Variants in SFXN5 observed in about 807,000 individuals in gnomAD.
SFXN5 encodes the protein sideroflexin-5.
SFXN5 carries 43 observed loss-of-function variants against 50.2 expected under a neutral mutation model. The ratio of observed to expected loss-of-function variants is 0.86; its 90% CI spans 0.67 to 1.11. The LOEUF is 1.11. Among genes scored for constraint, SFXN5 ranks in the 50% least tolerant of loss-of-function variants. The probability of loss-of-function intolerance (pLI) is 0.00; values close to 1 mark genes in which losing one functional copy is unlikely to be tolerated. For synonymous variants in SFXN5, 203 were observed against 185.8 expected, an observed-to-expected ratio of 1.09 and a Z score of -0.75; for missense variants, 463 against 454.1, an observed-to-expected ratio of 1.02 and a Z score of -0.18.
At chr2:72,976,805 T>A (rs1161895663) in intron 10 of SFXN5, among the ~76,000 whole-genome samples, 1 of 152,184 alleles carries the variant, frequency 6.6e-6, no homozygotes, top group African/African-American at 2.4e-5. Flanking sequence ...AACTCAGGCA[T>A]CTTAGAAACA....
intron 9 of SFXN5, chr2:72,998,588 G>A (rs1245643842): frequency 1.2e-5 from 3 of 243,808 alleles, no homozygotes; most frequent in African/African-American, 4.5e-5. Flanking sequence ...GCCTTGCAGA[G>A]TCATTCAGAG....
At chr2:73,018,779 A>T (rs1273564558) in intron 6 of SFXN5, among the ~76,000 whole-genome samples, 5 of 152,206 alleles carry the variant, frequency 3.3e-5, no homozygotes, top group Non-Finnish European at 7.3e-5. Flanking sequence ...AAATACCTAA[A>T]ATAGTGTTAT....
At chr2:73,000,956 G>A (rs906809614) in intron 7 of SFXN5, among the ~76,000 whole-genome samples, 6 of 152,222 alleles carry the variant, frequency 3.9e-5, no homozygotes, top group Non-Finnish European at 7.3e-5. Flanking sequence ...GTTTAGTTCA[G>A]GGAAGACTGA....
chr2:73,051,382 C>T (rs752970741), intron 2 of SFXN5, among the ~76,000 whole-genome samples: 2 of 151,864 alleles, frequency 1.3e-5, no homozygotes, highest in Non-Finnish European at 2.9e-5. Context: ...CTCAGCCTCC[C>T]GAGTAGCTGG....
At chr2:73,056,799 G>A (rs982973958) in intron 2 of SFXN5, among the ~76,000 whole-genome samples, 1 of 152,178 alleles carries the variant, frequency 6.6e-6, no homozygotes, top group African/African-American at 2.4e-5. Context: ...TGAGGAAGTG[G>A]AGCAACTGGA....
In SFXN5 at chr2:72,961,049, T is replaced by A; in HGVS notation, c.945+82A>T. ...CAGCGCCTAGCATGGCGCTAAGGAGTCGGCACGGTATGAGTATTTGTTCAG... is the reference window on the plus strand; with the variant it reads ...CAGCGCCTAGCATGGCGCTAAGGAGACGGCACGGTATGAGTATTTGTTCAG... On this transcript the variant is annotated intron_variant, in intron 13 of 13. Coordinates refer to ENST00000272433, the MANE Select transcript of SFXN5 (RefSeq NM_144579.3). The surrounding 1 kb of genome is among the most constrained non-coding windows in gnomAD (Gnocchi z 4.4). The A allele has an allele frequency of 9.8e-7, 1 of 1,022,580 alleles. No individual in the cohort carries two copies. Among genetic ancestry groups the A allele is most frequent in the South Asian group, 1.9e-5 (1 of 52,710 alleles). The allele number at this position is 1,022,580 out of a possible 1,614,324, so 63.3% of individuals were successfully genotyped here.
At chr2:72,946,256 C>T (rs1202324936) in intron 13 of SFXN5, among the ~76,000 whole-genome samples, 3 of 152,144 alleles carry the variant, frequency 2.0e-5, no homozygotes, top group Non-Finnish European at 1.5e-5. Context: ...CAGCTACTAC[C>T]TGGTCTCTCT....
chr2:72,971,806 A>G (rs1670038251), intron 10 of SFXN5, 121 bp from the exon 11 acceptor site: 1 of 695,660 alleles, frequency 1.4e-6, no homozygotes, highest in Non-Finnish European at 2.5e-6. Flanking sequence ...GCATGGGCAA[A>G]GGTTAGGGAA....
At position 73,040,863 on chromosome 2, in the gene SFXN5, G is replaced by A. The variant is rs1470632616; in HGVS notation, c.240C>T (p.Thr80=). ...CCTCCCACAGAGTTACCTGTTCATT[G>A]GTGACCCCCGGGCGCAGGGTCCCAT... ...YKHGTLRPGV[T]NEQLWSAQKI... is the part of the protein sequence containing the mutation. Residue 80 remains threonine (T), a synonymous_variant, in exon 3 of 14, where the codon ACC becomes ACT. Coordinates refer to ENST00000272433, the MANE Select transcript of SFXN5 (RefSeq NM_144579.3). 6.2e-7 allele frequency: 1 copy of A among 1,611,740 alleles called. No homozygotes were observed. The highest frequency in any genetic ancestry group is 8.5e-7 in the Non-Finnish European group (1 of 1,179,018).
intron 3 of SFXN5, among the ~76,000 whole-genome samples, chr2:73,031,646 A>G (rs1678321735): frequency 6.6e-6 from 1 of 152,206 alleles, no homozygotes; most frequent in African/African-American, 2.4e-5. Flanking sequence ...GCTCTTCTTG[A>G]GGCATCTGAC....
chr2:73,023,234 A>C lies in SFXN5; in HGVS notation c.250-20T>G. On this transcript the variant is annotated intron_variant, in intron 3 of 13. Coordinates refer to ENST00000272433, the MANE Select transcript of SFXN5 (RefSeq NM_144579.3). ...CCAGAGCTGGAAGAGAGATAAAGGAAAAGAAAATAAAGAACAAAAATTAAA... is the reference window on the plus strand; with the variant it reads ...CCAGAGCTGGAAGAGAGATAAAGGACAAGAAAATAAAGAACAAAAATTAAA... 9.4e-6 allele frequency: 15 copies of C among 1,587,938 alleles called. No homozygotes were observed. The highest frequency in any genetic ancestry group is 1.3e-5 in the Non-Finnish European group (15 of 1,166,216).
chr2:72,974,853 G>GAA (rs1352739900), intron 10 of SFXN5, among the ~76,000 whole-genome samples: 1 of 84,436 alleles, frequency 1.2e-5, no homozygotes, highest in African/African-American at 5.6e-5. Flanking sequence ...GAGAGAGAGA[G>GAA]AGAAAAAAAA....
intron 13 of SFXN5, among the ~76,000 whole-genome samples, chr2:72,948,055 A>G (rs868063378): frequency 1.3e-4 from 20 of 152,264 alleles, no homozygotes; most frequent in Non-Finnish European, 2.6e-4. Context: ...CCAACAAAAT[A>G]TAACATCCCA....
intron 12 of SFXN5, among the ~76,000 whole-genome samples, chr2:72,966,933 A>T (rs1674483260): frequency 6.6e-6 from 1 of 152,050 alleles, no homozygotes; most frequent in Admixed American, 6.6e-5. Context: ...TCAGACCCCA[A>T]ATCTACTCTT....
At chr2:72,984,847 C>T (rs947888258) in intron 10 of SFXN5, among the ~76,000 whole-genome samples, 2 of 152,076 alleles carry the variant, frequency 1.3e-5, no homozygotes, top group Non-Finnish European at 2.9e-5. Context: ...GGTCCAGGTG[C>T]GTGTGTCTCA....
chr2:72,995,193 C>T (rs1398381539), intron 9 of SFXN5, among the ~76,000 whole-genome samples: 1 of 152,162 alleles, frequency 6.6e-6, no homozygotes, highest in Non-Finnish European at 1.5e-5. Flanking sequence ...CTCGTGTAGC[C>T]GGGGCCCAGG....
intron 13 of SFXN5, among the ~76,000 whole-genome samples, chr2:72,959,898 C>T (rs1370452673): frequency 6.6e-6 from 1 of 152,142 alleles, no homozygotes; most frequent in Non-Finnish European, 1.5e-5. Context: ...ATTTTTTCCC[C>T]TCACCTGTCA....
intron 12 of SFXN5, among the ~76,000 whole-genome samples, chr2:72,965,473 G>T (rs573680197): frequency 6.6e-6 from 1 of 152,180 alleles, no homozygotes. Context: ...TAAGGCAGGG[G>T]TCTAACTGAG....
chr2:73,022,611 C>G (rs199830965), intron 4 of SFXN5, 35 bp from the exon 5 acceptor site: 4 of 103,544 alleles, frequency 3.9e-5, no homozygotes, highest in Non-Finnish European at 6.8e-5. Flanking sequence ...GGGGTGGGGA[C>G]GGGGGTGTAG....
Sources: gnomAD v4.1 joint callset for allele counts (sites outside exome capture counted in the v4.1 genomes callset) on GRCh38, gnomAD v4.1.1 for gene constraint, Gnocchi (gnomAD v3.1) non-coding constraint, MANE v1.5 for transcripts, NCBI Gene and HGNC (gene_info 2026-07-23, HGNC 2026-07-21) for gene names.